ZNF318: variants seen among roughly 807,000 people sequenced by gnomAD.
ZNF318 encodes zinc finger protein 318, also known as endocrine regulator.
In ZNF318, 51 loss-of-function variants were observed where a neutral mutation model predicts 124.2. The ratio of observed to expected loss-of-function variants is 0.41; its 90% confidence interval spans 0.33 to 0.52. The LOEUF (loss-of-function observed/expected upper bound fraction) is 0.52, where lower values mean the gene tolerates loss of function less well. Ranked by LOEUF, ZNF318 falls within the 20% of genes least tolerant of loss-of-function variation. ZNF318 has a pLI of 0.23. For synonymous variants in ZNF318, 1,090 were observed against 1,040.7 expected (o/e 1.05, Z -0.91); for missense variants, 2,815 against 2,811.2 (o/e 1.00, Z -0.03).
intron 2 of ZNF318, among the ~76,000 whole-genome samples, chr6:43,363,178 C>G (rs1193147024): frequency 6.6e-6 from 1 of 152,062 alleles, no homozygotes; most frequent in African/African-American, 2.4e-5. Flanking sequence ...AAAGTTTATG[C>G]AAAGGGGAAG....
At chr6:43,357,851 G>A (rs189733561) in intron 2 of ZNF318, 86 bp from the exon 3 acceptor site, 46 of 1,288,088 alleles carry the variant, frequency 3.6e-5, no homozygotes, top group Non-Finnish European at 4.8e-5. Context: ...TTTGTCAAGG[G>A]GGCTATAAAA....
At chr6:43,350,732 C>T (rs1435412276) in intron 5 of ZNF318, among the ~76,000 whole-genome samples, 1 of 151,932 alleles carries the variant, frequency 6.6e-6, no homozygotes. Context: ...ATCACCTGAG[C>T]CAGGAAGCGA....
At chr6:43,342,648 T>G (rs772477762) in intron 7 of ZNF318, 28 bp downstream of exon 7, 3 of 1,609,116 alleles carry the variant, frequency 1.9e-6, no homozygotes, top group South Asian at 1.1e-5. Flanking sequence ...AGGGTGGGAG[T>G]GAAAATAACA....
intron 4 of ZNF318, among the ~76,000 whole-genome samples, chr6:43,353,535 C>T (rs1375336649): frequency 5.3e-5 from 8 of 151,980 alleles, no homozygotes; most frequent in African/African-American, 9.7e-5. Context: ...CCACCACACC[C>T]GGCTAATTTT....
chr6:43,363,922 T>C (rs943067317), intron 2 of ZNF318: 8 of 676,674 alleles, frequency 1.2e-5, no homozygotes, highest in South Asian at 6.5e-5. Flanking sequence ...CAGAGGCTAC[T>C]GGGGGAACAA....
chr6:43,338,001 T>G lies in ZNF318; in HGVS notation c.5997A>C (p.Glu1999Asp). 6.2e-7 allele frequency: 1 copy of G among 1,614,208 alleles called. No homozygotes were observed. The highest frequency in any genetic ancestry group is 8.5e-7 in the Non-Finnish European group (1 of 1,180,036). The change falls in exon 10 of 10, where the codon GAA becomes GAC. Residue 1999 changes from glutamate to aspartate, a missense_variant. Physicochemically the swap from Glu to Asp is conservative, Grantham distance 45. Around this residue, in one of 4 missense-constraint regions of ZNF318, gnomAD observed 927 missense variants for 820.6 expected, o/e 1.13. Transcript: ENST00000361428. ...LTVTIESKAL[E>D]DFEATDLKVE... ...CCTTTAAGTCTGTAGCTTCAAAGTC[T>G]TCTAGGGCCTTGCTTTCTATTGTCA...
chr6:43,347,853 A>G (rs977513499), intron 6 of ZNF318, among the ~76,000 whole-genome samples: 2 of 152,228 alleles, frequency 1.3e-5, no homozygotes, highest in African/African-American at 2.4e-5. Flanking sequence ...AAGCAGGAGC[A>G]TCCAATGTAC....
intron 2 of ZNF318, chr6:43,364,388 GA>G (rs1779732050): frequency 3.9e-6 from 1 of 256,672 alleles, no homozygotes; most frequent in African/African-American, 2.3e-5. Flanking sequence ...ACAGCCAATG[GA>G]ACTTTTAGGT....
rs1779324852 is a variant in ZNF318 at position 43,338,620 on chromosome 6, A to G, written c.5378T>C (p.Val1793Ala). Residue 1793 changes from valine (V) to alanine (A), a missense_variant, in exon 10 of 10, where the codon GTT becomes GCT. Physicochemically the swap from Val to Ala is moderately conservative, Grantham distance 64. Around this residue, in one of 4 missense-constraint regions of ZNF318, gnomAD observed 927 missense variants for 820.6 expected, o/e 1.13. Transcript: ENST00000361428. ...ERVKELSEGIVDEGVSTSIGP... is the reference protein window; with the variant it reads ...ERVKELSEGIADEGVSTSIGP... ...AATGCTGGTACTTACTCCCTCATCA[A>G]CTATCCCCTCAGACAGCTCCTTTAC... The G allele has an allele frequency of 1.2e-6, 2 of 1,614,030 alleles. No individual in the cohort carries two copies. The highest frequency in any genetic ancestry group is 1.3e-5 in the African/African-American group (1 of 74,926).
At position 43,339,524 on chromosome 6, in the gene ZNF318, C is replaced by T. The variant is rs1171182380; in HGVS notation, c.4474G>A (p.Gly1492Ser). 1 of 1,614,014 alleles carries T rather than the reference C, an allele frequency of 6.2e-7. No homozygotes were observed. The highest frequency in any genetic ancestry group is 8.5e-7 in the Non-Finnish European group (1 of 1,180,014). Reference protein sequence around the residue: ...VSQTLSPGFVGPNILNPVLPV... With the variant: ...VSQTLSPGFVSPNILNPVLPV... The stretch of plus-strand genomic sequence containing the variant: ...AACACTGGGTTCAAAATGTTAGGAC[C>T]CACGAAGCCAGGGCTGAGAGTCTGA... Residue 1492 changes from glycine (G) to serine (S), a missense_variant, in exon 10 of 10, where the codon GGT (glycine) becomes AGT (serine). Physicochemically the swap from Gly to Ser is moderately conservative, Grantham distance 56. Transcript: ENST00000361428. The surrounding 1 kb of genome is among the most constrained non-coding windows in gnomAD (Gnocchi z 4.2).
rs145817722 is a variant in ZNF318 at position 43,365,792 on chromosome 6, A to T, written c.400-352T>A. On this transcript the variant is annotated intron_variant, in intron 1 of 9. Transcript: ENST00000361428. ...AGCAGGACCTTGTCTCAAAAACAAAAGACAACCCTGCAAAGTTGGGGTTCA... is the reference window on the plus strand; with the variant it reads ...AGCAGGACCTTGTCTCAAAAACAAATGACAACCCTGCAAAGTTGGGGTTCA... Among the ~76,000 whole-genome samples the T allele has an allele frequency of 6.0e-4, 92 of 152,354 alleles. 1 individual carries two copies. The highest frequency in any genetic ancestry group is 2.1e-3 in the African/African-American group (88 of 41,578).
rs369497076 is a variant in ZNF318 at position 43,352,517 on chromosome 6, C to T, written c.2671-41G>A. On this transcript the variant is annotated intron_variant, in intron 4 of 9. Transcript: ENST00000361428. ...TGGTAAGAGAGTCCATCTCCTCCAACATTCTCTTTTCTATTTCTCTCTTCC... is the reference window on the plus strand; with the variant it reads ...TGGTAAGAGAGTCCATCTCCTCCAATATTCTCTTTTCTATTTCTCTCTTCC... 1.7e-5 allele frequency: 26 copies of T among 1,552,314 alleles called. No individual in the cohort carries two copies. In the African/African-American group the frequency reaches 3.4e-4, roughly 20 times the overall value.
chr6:43,363,606 C>T, intron 2 of ZNF318: 1 of 393,696 alleles, frequency 2.5e-6, no homozygotes, highest in East Asian at 5.7e-5. Context: ...GGATGCCTGT[C>T]ACCAAGCTGG....
chr6:43,342,604 A>T lies in ZNF318; in HGVS notation c.3276+72T>A, dbSNP rs1404021024. ...GAATGTTTCCTTTTCCAGCTTTGCA[A>T]TGCAGATAGGGGTATAGAAGTTTGA... On this transcript the variant is annotated intron_variant, in intron 7 of 9. Transcript: ENST00000361428. 6.7e-6 allele frequency: 10 copies of T among 1,497,094 alleles called. No homozygotes were observed. The Admixed American group carries it at 1.7e-4, about 26-fold the overall frequency. 92.7% of individuals were successfully genotyped at this position (1,497,094 alleles called of 1,614,324 possible). A position where few individuals can be genotyped will look rare whatever the true frequency, so the allele number is the denominator to read the frequency against.
At chr6:43,359,067 AACT>A (rs1779648420) in intron 2 of ZNF318, among the ~76,000 whole-genome samples, 1 of 152,232 alleles carries the variant, frequency 6.6e-6, no homozygotes, top group Non-Finnish European at 1.5e-5. Flanking sequence ...CTTTTAAAAA[AACT>A]ACTGATTTAT....
At position 43,336,575 on chromosome 6, in the gene ZNF318, G is replaced by A. The variant is rs762823933; in HGVS notation, c.*583C>T. On this transcript the variant is annotated 3_prime_UTR_variant, in exon 10 of 10. Transcript: ENST00000361428. The stretch of plus-strand genomic sequence containing the variant: ...AGTACAGGAGTTGACATGCCAATAA[G>A]GGGTGTAAACAGTAAACAAAAGAGC... The A allele has an allele frequency of 4.6e-5, 7 of 152,262 alleles. No homozygotes were observed. Among genetic ancestry groups the A allele is most frequent in the Non-Finnish European group, 1.0e-4 (7 of 68,062 alleles). 9.4% of individuals were successfully genotyped at this position (152,262 alleles called of 1,614,324 possible).
In ZNF318 at chr6:43,340,099, A is replaced by C. The variant is rs143146213; in HGVS notation, c.3899T>G (p.Ile1300Ser). 1 of 1,614,042 alleles carries C rather than the reference A, an allele frequency of 6.2e-7. No individual in the cohort carries two copies. The highest frequency in any genetic ancestry group is 1.7e-5 in the Admixed American group (1 of 60,006). The change falls in exon 10 of 10, where the codon ATT becomes AGT. Residue 1300 changes from isoleucine (I) to serine (S), a missense_variant. Around this residue, in one of 4 missense-constraint regions of ZNF318, gnomAD observed 500 missense variants for 605.2 expected, o/e 0.83. Coordinates refer to ENST00000361428, the MANE Select transcript of ZNF318 (RefSeq NM_014345.3). ...LVTPSISKEE[I>S]LESSKDKEDG... Reference sequence around the variant, plus strand: ...CTCTTTGTCCTTACTACTTTCTAGAATCTCTTCTTTAGAGATACTTGGGGT... The same window carrying C: ...CTCTTTGTCCTTACTACTTTCTAGACTCTCTTCTTTAGAGATACTTGGGGT...
chr6:43,338,625 C>G lies in ZNF318; in HGVS notation c.5373G>C (p.Gly1791=). The change falls in exon 10 of 10, where the codon GGG becomes GGC. Residue 1791 remains glycine, a synonymous_variant. Coordinates refer to ENST00000361428, the MANE Select transcript of ZNF318 (RefSeq NM_014345.3). ...TGGTACTTACTCCCTCATCAACTAT[C>G]CCCTCAGACAGCTCCTTTACCCTTT... The part of the protein sequence containing the change: ...LKERVKELSE[G]IVDEGVSTSI... The G allele has an allele frequency of 6.2e-7, 1 of 1,614,146 alleles. No individual in the cohort carries two copies. The highest frequency in any genetic ancestry group is 8.5e-7 in the Non-Finnish European group (1 of 1,180,008).
chr6:43,362,439 A>G (rs943324680), intron 2 of ZNF318, among the ~76,000 whole-genome samples: 3 of 151,844 alleles, frequency 2.0e-5, no homozygotes, highest in Non-Finnish European at 2.9e-5. Flanking sequence ...GCAACAGTGC[A>G]AGACTCTGTC....
Sources: allele counts gnomAD v4.1 joint callset (sites outside exome capture counted in the v4.1 genomes callset), GRCh38; gene constraint gnomAD v4.1.1; regional missense constraint gnomAD v4.1.1; non-coding constraint Gnocchi (gnomAD v3.1); transcripts MANE v1.5; gene names NCBI Gene and HGNC (gene_info 2026-07-23, HGNC 2026-07-21).